PLET1: variants seen among roughly 807,000 people sequenced by gnomAD.
PLET1 encodes the protein placenta expressed transcript 1.
A neutral mutation model predicts 18.5 loss-of-function variants in PLET1; 20 were observed. The ratio of observed to expected loss-of-function variants is 1.08; its 90% CI spans 0.76 to 1.57. The LOEUF is 1.57. PLET1 is among the 40% of genes most tolerant of loss of function. The probability of loss-of-function intolerance (pLI) is 0.00; values close to 1 mark genes in which losing one functional copy is unlikely to be tolerated. For missense variants in PLET1, 256 were observed against 246.4 expected, an observed-to-expected ratio of 1.04 and a Z score of -0.26; for synonymous variants, 93 against 93.8, an observed-to-expected ratio of 0.99 and a Z score of 0.05.
chr11:112,252,347 C>T lies in PLET1; in HGVS notation c.448+1G>A, dbSNP rs768094916. On this transcript the variant is annotated splice_donor_variant, in intron 3 of 3. Transcript: ENST00000338832. LOFTEE classifies it high-confidence loss of function. ...TGCAAATGGGCTGCAAAGGAACTCA[C>T]GTTTTTCTCTTAGCTTCAGAGTAGA... is the stretch of plus-strand genomic sequence containing the variant. 29 of 1,550,316 alleles carry T rather than the reference C, an allele frequency of 1.9e-5. No homozygotes were observed. The highest frequency in any genetic ancestry group is 4.8e-5 in the South Asian group (4 of 84,036).
Position 112,255,383 on chromosome 11 carries a change from C to T in PLET1, c.386+5G>A. 1 of 1,552,014 alleles carries T rather than the reference C, an allele frequency of 6.4e-7. No homozygotes were observed. The highest frequency in any genetic ancestry group is 2.4e-5 in the East Asian group (1 of 40,930). ...AGCCCAAAGCAAAGCAAGCTAGGTT[C>T]TTACTGTATCTCCACTTCAGTTATG... On this transcript the variant is annotated splice_donor_5th_base_variant and intron_variant, in intron 2 of 3. Coordinates refer to ENST00000338832, the MANE Select transcript of PLET1 (RefSeq NM_001145024.1).
chr11:112,256,754 A>G (rs1860228193), intron 1 of PLET1, among the ~76,000 whole-genome samples: 1 of 152,250 alleles, frequency 6.6e-6, no homozygotes, highest in Non-Finnish European at 1.5e-5. Flanking sequence ...CAGATCCCGC[A>G]GACCTCGACT....
At chr11:112,250,924 A>G (rs1402515398) in intron 3 of PLET1, among the ~76,000 whole-genome samples, 1 of 152,222 alleles carries the variant, frequency 6.6e-6, no homozygotes, top group Non-Finnish European at 1.5e-5. Flanking sequence ...TAATAGTTTC[A>G]TTAGGCATAA....
intron 1 of PLET1, among the ~76,000 whole-genome samples, 193 bp from the exon 2 acceptor site, chr11:112,255,782 T>C (rs192804748): frequency 7.9e-4 from 120 of 152,350 alleles, no homozygotes; most frequent in Middle Eastern, 6.8e-3. Context: ...TTAATTGTGG[T>C]GATTTCTTGG....
rs767143415 is a variant in PLET1 at position 112,248,462 on chromosome 11, A to G, written c.*337T>C. The G allele has an allele frequency of 1.2e-5, 5 of 407,208 alleles. No homozygotes were observed. Among genetic ancestry groups the G allele is most frequent in the Non-Finnish European group, 1.7e-5 (4 of 231,930 alleles). 25.2% of individuals were successfully genotyped at this position (407,208 alleles called of 1,614,324 possible). ...ACAGAAACTCAGAGGTTGCAGGGGA[A>G]TCATTTGGCAGTGAACAAAAGTTGA... is the stretch of plus-strand genomic sequence containing the variant. On this transcript the variant is annotated 3_prime_UTR_variant, in exon 4 of 4. Coordinates refer to ENST00000338832, the MANE Select transcript of PLET1 (RefSeq NM_001145024.1).
At chr11:112,249,668 T>G (rs1454928168) in intron 3 of PLET1, among the ~76,000 whole-genome samples, 2 of 151,380 alleles carry the variant, frequency 1.3e-5, no homozygotes, top group Non-Finnish European at 2.9e-5. Context: ...TGTAGGGAGG[T>G]CTGTAAGGAA....
At chr11:112,252,527 G>A (rs533027816) in intron 2 of PLET1, 118 bp from the exon 3 acceptor site, 3 of 818,842 alleles carry the variant, frequency 3.7e-6, no homozygotes, top group Non-Finnish European at 5.9e-6. Context: ...TTTCTGTATG[G>A]CACAATGAGC....
intron 3 of PLET1, among the ~76,000 whole-genome samples, chr11:112,249,882 G>A (rs1483402528): frequency 2.0e-5 from 3 of 151,650 alleles, no homozygotes; most frequent in Admixed American, 2.0e-4. Flanking sequence ...ACTTGAACCC[G>A]GGAGGTGGAG....
intron 3 of PLET1, among the ~76,000 whole-genome samples, chr11:112,251,271 C>G (rs758623481): frequency 8.2e-6 from 1 of 121,666 alleles, no homozygotes; most frequent in Non-Finnish European, 1.7e-5. Context: ...TTTCTTGAAC[C>G]TTTTTGTAAA....
At chr11:112,250,850 A>G (rs1860148327) in intron 3 of PLET1, among the ~76,000 whole-genome samples, 1 of 152,234 alleles carries the variant, frequency 6.6e-6, no homozygotes, top group South Asian at 2.1e-4. Flanking sequence ...GGCCTTGAGG[A>G]AAAAACTACT....
At chr11:112,249,294 C>T (rs577043913) in intron 3 of PLET1, among the ~76,000 whole-genome samples, 5 of 152,256 alleles carry the variant, frequency 3.3e-5, no homozygotes, top group African/African-American at 1.2e-4. Context: ...TGGGTAGTCT[C>T]CTCCTGAATG....
At chr11:112,252,231 T>C in intron 3 of PLET1, 117 bp downstream of exon 3, 2 of 889,930 alleles carry the variant, frequency 2.2e-6, no homozygotes, top group East Asian at 2.7e-5. Flanking sequence ...ACTCAACTGA[T>C]AGATAGCTGA....
At position 112,248,993 on chromosome 11, in the gene PLET1, G is replaced by A. The variant is rs969192288; in HGVS notation, c.449-19C>T. On this transcript the variant is annotated intron_variant, in intron 3 of 3. Coordinates refer to ENST00000338832, the MANE Select transcript of PLET1 (RefSeq NM_001145024.1). Reference sequence around the variant, plus strand: ...GTTGACACTGGAAAGGTGGTTGAGGGTGCGGTTGGCACTGGAAAATGGCAT... The same window carrying A: ...GTTGACACTGGAAAGGTGGTTGAGGATGCGGTTGGCACTGGAAAATGGCAT... The A allele has an allele frequency of 5.2e-6, 8 of 1,548,244 alleles. No individual in the cohort carries two copies. The highest frequency in any genetic ancestry group is 5.2e-6 in the Non-Finnish European group (6 of 1,145,838).
rs111931106 is a variant in PLET1, at chr11:112,250,446, C to T, written c.449-1472G>A. ...GTAACAGCGGAAAGTCCAGATGTCC[C>T]AATACCCTTGACAATATATGCTTTC... is the stretch of plus-strand genomic sequence containing the variant. On this transcript the variant is annotated intron_variant, in intron 3 of 3. Transcript: ENST00000338832. Among the ~76,000 whole-genome samples the T allele has an allele frequency of 5.1e-3, 783 of 152,110 alleles. 7 individuals carry two copies. The highest frequency in any genetic ancestry group is 0.018 in the African/African-American group (746 of 41,500).
intron 1 of PLET1, among the ~76,000 whole-genome samples, chr11:112,258,713 C>T (rs906581185): frequency 2.0e-5 from 3 of 152,200 alleles, no homozygotes; most frequent in Admixed American, 6.5e-5. Context: ...CCAGGTTGCA[C>T]ATATGTCCAC....
intron 2 of PLET1, among the ~76,000 whole-genome samples, chr11:112,255,120 TGTGA>T (rs1860211283): frequency 7.1e-6 from 1 of 140,826 alleles, no homozygotes; most frequent in Non-Finnish European, 1.6e-5. Context: ...GGTGTATGTG[TGTGA>T]GGTGTGTGGG....
intron 2 of PLET1, among the ~76,000 whole-genome samples, chr11:112,253,380 A>G (rs1860179006): frequency 6.6e-6 from 1 of 151,976 alleles, no homozygotes; most frequent in Non-Finnish European, 1.5e-5. Flanking sequence ...TGCATTCCTC[A>G]TAATATGTGG....
intron 3 of PLET1, among the ~76,000 whole-genome samples, chr11:112,250,224 T>C (rs1282512202): frequency 2.9e-5 from 4 of 136,866 alleles, no homozygotes; most frequent in African/African-American, 1.1e-4. Flanking sequence ...ACAAACCTTT[T>C]TTTTTTTTTT....
intron 2 of PLET1, among the ~76,000 whole-genome samples, chr11:112,254,501 A>AT (rs1860192167): frequency 1.1e-5 from 1 of 90,232 alleles, no homozygotes; most frequent in African/African-American, 4.4e-5. Flanking sequence ...GTGTGGCATG[A>AT]GTGTGTGTGG....
Sources: gnomAD v4.1 joint callset for allele counts (sites outside exome capture counted in the v4.1 genomes callset) on GRCh38, gnomAD v4.1.1 for gene constraint, MANE v1.5 for transcripts, NCBI Gene and HGNC (gene_info 2026-07-23, HGNC 2026-07-21) for gene names.